Variants in PLCXD3 observed in about 807,000 individuals in gnomAD.
PLCXD3 encodes the protein phosphatidylinositol specific phospholipase C X domain containing 3.
In PLCXD3, 19 loss-of-function variants were observed where a neutral mutation model predicts 25.5. That is an observed-to-expected ratio of 0.75 (90% confidence interval 0.52 to 1.09). PLCXD3 has a LOEUF of 1.09. Ranked by LOEUF, PLCXD3 falls within the 50% of genes least tolerant of loss-of-function variation. The pLI is 0.00. For synonymous variants in PLCXD3, 174 were observed against 137.6 expected, an observed-to-expected ratio of 1.26 and a Z score of -1.85; for missense variants, 411 against 388.1, an observed-to-expected ratio of 1.06 and a Z score of -0.50.
chr5:41,356,989 T>C (rs1744637078), intron 2 of PLCXD3, among the ~76,000 whole-genome samples: 1 of 152,182 alleles, frequency 6.6e-6, no homozygotes, highest in Non-Finnish European at 1.5e-5. Context: ...GTGATAGAGA[T>C]CCTAGATGCA....
intron 1 of PLCXD3, among the ~76,000 whole-genome samples, chr5:41,445,323 C>T (rs318071): frequency 0.014 from 2,163 of 152,284 alleles, 57 homozygotes; most frequent in African/African-American, 0.048. Flanking sequence ...GCACATAAGT[C>T]AGATCTTCCT....
At chr5:41,434,199 A>T (rs1747181551) in intron 1 of PLCXD3, among the ~76,000 whole-genome samples, 1 of 152,144 alleles carries the variant, frequency 6.6e-6, no homozygotes, top group Admixed American at 6.5e-5. Flanking sequence ...GCTGCTACGC[A>T]AGTTGCTGTA....
chr5:41,389,386 C>T (rs1002797067), intron 1 of PLCXD3, among the ~76,000 whole-genome samples: 2 of 152,104 alleles, frequency 1.3e-5, no homozygotes, highest in African/African-American at 2.4e-5. Context: ...AGAATACCTC[C>T]TTCCTCCAGA....
rs1332218427 is a variant in PLCXD3 at position 41,308,026 on chromosome 5, T to C, written c.*5591A>G. 1 of 152,118 alleles carries C rather than the reference T, an allele frequency of 6.6e-6. No homozygotes were observed. The highest frequency in any genetic ancestry group is 6.6e-5 in the Admixed American group (1 of 15,256). 9.4% of individuals were successfully genotyped at this position (152,118 alleles called of 1,614,324 possible). On this transcript the variant is annotated 3_prime_UTR_variant, in exon 3 of 3. Coordinates refer to ENST00000377801, the MANE Select transcript of PLCXD3 (RefSeq NM_001005473.3). ...TGATCCTATGAAGATATTTACTTGA[T>C]TATCCCATCTGTATTTGAGTTCGTC...
chr5:41,406,756 C>T (rs1045814940), intron 1 of PLCXD3, among the ~76,000 whole-genome samples: 3 of 152,130 alleles, frequency 2.0e-5, no homozygotes, highest in Non-Finnish European at 4.4e-5. Context: ...CAGCTGCGAT[C>T]ATTCAACCCT....
rs184226010 is a variant in PLCXD3 at position 41,322,715 on chromosome 5, G to A, written c.813-8945C>T. On this transcript the variant is annotated intron_variant, in intron 2 of 2. Coordinates refer to ENST00000377801, the MANE Select transcript of PLCXD3 (RefSeq NM_001005473.3). The stretch of plus-strand genomic sequence containing the variant: ...AATGTGGCTGGGCGTGGTGGCCCAC[G>A]CCTGTAATTCTAGCACTTTGGGAGG... 1.3e-4 allele frequency among the ~76,000 whole-genome samples: 20 copies of A among 152,284 alleles called. No individual in the cohort carries two copies. In the East Asian group the frequency reaches 3.1e-3, roughly 24 times the overall value.
intron 1 of PLCXD3, among the ~76,000 whole-genome samples, chr5:41,395,822 C>T (rs1745985159): frequency 6.6e-6 from 1 of 151,968 alleles, no homozygotes; most frequent in South Asian, 2.1e-4. Flanking sequence ...AAATGTCTCC[C>T]ACTAAAGAAA....
intron 2 of PLCXD3, among the ~76,000 whole-genome samples, chr5:41,329,893 C>A (rs1343921164): frequency 6.7e-6 from 1 of 149,202 alleles, no homozygotes; most frequent in Non-Finnish European, 1.5e-5. Context: ...ATTATAAATC[C>A]ATGTCAAATT....
intron 1 of PLCXD3, among the ~76,000 whole-genome samples, chr5:41,498,873 A>G (rs1748893819): frequency 6.6e-6 from 1 of 151,726 alleles, no homozygotes; most frequent in Non-Finnish European, 1.5e-5. Flanking sequence ...TTAATGTGAT[A>G]TACCATGTAA....
At chr5:41,346,152 A>C (rs1242774758) in intron 2 of PLCXD3, among the ~76,000 whole-genome samples, 1 of 152,222 alleles carries the variant, frequency 6.6e-6, no homozygotes, top group Admixed American at 6.5e-5. Context: ...AAGTGCTGGG[A>C]TTACAGGCGT....
intron 1 of PLCXD3, among the ~76,000 whole-genome samples, chr5:41,508,189 G>A (rs1381055248): frequency 6.6e-6 from 1 of 152,174 alleles, no homozygotes; most frequent in African/African-American, 2.4e-5. Flanking sequence ...TCCCATGGAA[G>A]CCCAATGTCA....
At chr5:41,384,234 T>A (rs1489794352) in intron 1 of PLCXD3, among the ~76,000 whole-genome samples, 2 of 152,068 alleles carry the variant, frequency 1.3e-5, no homozygotes, top group African/African-American at 4.8e-5. Flanking sequence ...GGGAGTTAGG[T>A]TCTGATTGGC....
intron 1 of PLCXD3, 80 bp from the exon 2 acceptor site, chr5:41,382,614 T>G: frequency 7.4e-6 from 8 of 1,078,630 alleles, no homozygotes; most frequent in Non-Finnish European, 1.1e-5. Context: ...GCAATATCCA[T>G]ACCTCTCCCT....
In PLCXD3 at chr5:41,461,918, T is replaced by G. The variant is rs115303627; in HGVS notation, c.103+48506A>C. On this transcript the variant is annotated intron_variant, in intron 1 of 2. Coordinates refer to ENST00000377801, the MANE Select transcript of PLCXD3 (RefSeq NM_001005473.3). ...AAGAGACTCAATTTTAATTTAGGTA[T>G]CAAATCTACTCAACAAGCATGTGCC... is the stretch of plus-strand genomic sequence containing the variant. Among the ~76,000 whole-genome samples the G allele has an allele frequency of 3.5e-3, 538 of 152,068 alleles. 3 individuals are homozygous for G. Among genetic ancestry groups the G allele is most frequent in the African/African-American group, 0.011 (447 of 41,508 alleles).
chr5:41,414,128 G>A (rs1032313799), intron 1 of PLCXD3, among the ~76,000 whole-genome samples: 1 of 152,148 alleles, frequency 6.6e-6, no homozygotes, highest in African/African-American at 2.4e-5. Context: ...GTGAAACTGA[G>A]GCTTCCATAC....
chr5:41,334,571 A>T (rs528794031), intron 2 of PLCXD3, among the ~76,000 whole-genome samples: 1 of 152,264 alleles, frequency 6.6e-6, no homozygotes, highest in Non-Finnish European at 1.5e-5. Context: ...TCTTATTTAC[A>T]TGCCAAGAAG....
In PLCXD3 at chr5:41,310,335, A is replaced by G. The variant is rs1455722621; in HGVS notation, c.*3282T>C. 6.6e-6 allele frequency: 1 copy of G among 151,134 alleles called. No individual in the cohort carries two copies. The highest frequency in any genetic ancestry group is 2.4e-5 in the African/African-American group (1 of 41,046). 9.4% of individuals were successfully genotyped at this position (151,134 alleles called of 1,614,324 possible). A position where few individuals can be genotyped will look rare whatever the true frequency, so the allele number is the denominator to read the frequency against. On this transcript the variant is annotated 3_prime_UTR_variant, in exon 3 of 3. Coordinates refer to ENST00000377801, the MANE Select transcript of PLCXD3 (RefSeq NM_001005473.3). ...TTGCATATTTTCTCTCATTCCACCC[A>G]CTCCTTTGATTTCCTGCTGTAGATT...
chr5:41,430,460 A>G (rs1306517607), intron 1 of PLCXD3, among the ~76,000 whole-genome samples: 1 of 152,206 alleles, frequency 6.6e-6, no homozygotes, highest in Non-Finnish European at 1.5e-5. Context: ...AAATAGGTGT[A>G]GCTTGAAGGA....
At chr5:41,379,239 G>A (rs1323038894) in intron 2 of PLCXD3, among the ~76,000 whole-genome samples, 1 of 151,976 alleles carries the variant, frequency 6.6e-6, no homozygotes, top group African/African-American at 2.4e-5. Flanking sequence ...CAAAATCTGG[G>A]GACTCTGTGG....
Sources: allele counts gnomAD v4.1 joint callset (sites outside exome capture counted in the v4.1 genomes callset), GRCh38; gene constraint gnomAD v4.1.1; transcripts MANE v1.5; gene names NCBI Gene and HGNC (gene_info 2026-07-23, HGNC 2026-07-21).